BTBD9: variants seen among roughly 807,000 people sequenced by gnomAD.
BTBD9 encodes BTB/POZ domain-containing protein 9.
BTBD9 carries 49 observed loss-of-function variants against 64.3 expected under a neutral mutation model. The ratio of observed to expected loss-of-function variants is 0.76; its 90% CI spans 0.61 to 0.97. The LOEUF is 0.97. Ranked by LOEUF, BTBD9 falls within the 50% of genes least tolerant of loss-of-function variation. The probability of loss-of-function intolerance (pLI) is 0.00; values close to 1 mark genes in which losing one functional copy is unlikely to be tolerated. For synonymous variants in BTBD9, 260 were observed against 274.7 expected, an observed-to-expected ratio of 0.95 and a Z score of 0.53; for missense variants, 598 against 762.1, an observed-to-expected ratio of 0.78 and a Z score of 2.53.
intron 6 of BTBD9, among the ~76,000 whole-genome samples, chr6:38,451,432 C>A (rs746703028): frequency 6.6e-6 from 1 of 152,164 alleles, no homozygotes; most frequent in Non-Finnish European, 1.5e-5. Context: ...TTATGAGTAA[C>A]TGACATTTTC....
chr6:38,528,503 G>A (rs1482891424), intron 6 of BTBD9, among the ~76,000 whole-genome samples: 2 of 152,216 alleles, frequency 1.3e-5, no homozygotes, highest in Non-Finnish European at 2.9e-5. Flanking sequence ...ACAGCTCGCA[G>A]CTCTCAGAGA....
At chr6:38,213,294 C>A (rs1193092143) in intron 9 of BTBD9, among the ~76,000 whole-genome samples, 1 of 152,130 alleles carries the variant, frequency 6.6e-6, no homozygotes, top group Non-Finnish European at 1.5e-5. Flanking sequence ...AATAGACTCT[C>A]CCTCTCCAGC....
At chr6:38,283,121 C>T (rs1582161597) in intron 8 of BTBD9, among the ~76,000 whole-genome samples, 3 of 152,162 alleles carry the variant, frequency 2.0e-5, no homozygotes, top group Admixed American at 2.0e-4. Flanking sequence ...TAGTATACCA[C>T]AGGATATTGG....
At chr6:38,500,149 GA>G (rs1283847277) in intron 6 of BTBD9, among the ~76,000 whole-genome samples, 2 of 151,778 alleles carry the variant, frequency 1.3e-5, no homozygotes, top group African/African-American at 4.8e-5. Context: ...AAGAGAGATA[GA>G]ATCTCTTTCT....
intron 7 of BTBD9, among the ~76,000 whole-genome samples, chr6:38,306,216 T>C (rs1562001618): frequency 6.6e-6 from 1 of 152,248 alleles, no homozygotes; most frequent in Non-Finnish European, 1.5e-5. Context: ...AGCTTTCTGC[T>C]CTATTTCTAG....
chr6:38,300,206 C>T (rs1762333570), intron 7 of BTBD9, among the ~76,000 whole-genome samples: 2 of 152,000 alleles, frequency 1.3e-5, no homozygotes, highest in Admixed American at 1.3e-4. Flanking sequence ...TGTTCTGTTC[C>T]ATTGGTCTAT....
chr6:38,266,390 T>A (rs1764972597), intron 8 of BTBD9, among the ~76,000 whole-genome samples: 1 of 151,850 alleles, frequency 6.6e-6, no homozygotes, highest in African/African-American at 2.4e-5. Context: ...CTGGGCAACA[T>A]GGGGAAACCC....
rs138134557 is a variant in BTBD9, at chr6:38,253,511, C to G, written c.1562+2898G>C. 1.5e-3 allele frequency among the ~76,000 whole-genome samples: 233 copies of G among 152,292 alleles called. 1 individual carries two copies. Among genetic ancestry groups the G allele is most frequent in the African/African-American group, 5.2e-3 (216 of 41,554 alleles). Reference sequence around the variant, plus strand: ...ACATGTGGGGATTATAATTCAAGATCAGATTTGGGTGGGGACACAGAGCCA... The same window carrying G: ...ACATGTGGGGATTATAATTCAAGATGAGATTTGGGTGGGGACACAGAGCCA... On this transcript the variant is annotated intron_variant, in intron 9 of 10. Coordinates refer to ENST00000481247, the MANE Select transcript of BTBD9 (RefSeq NM_001099272.2).
intron 4 of BTBD9, among the ~76,000 whole-genome samples, chr6:38,591,554 T>C (rs758731497): frequency 6.6e-6 from 1 of 152,226 alleles, no homozygotes; most frequent in Non-Finnish European, 1.5e-5. Context: ...CAGCATAGTT[T>C]AGTGGTTAAT....
chr6:38,366,675 C>T (rs1304793225), intron 6 of BTBD9, among the ~76,000 whole-genome samples: 3 of 152,170 alleles, frequency 2.0e-5, no homozygotes, highest in Non-Finnish European at 2.9e-5. Context: ...GTATCAAGCA[C>T]ACAACTGTGA....
chr6:38,424,435 G>A (rs1223204263), intron 6 of BTBD9, among the ~76,000 whole-genome samples: 1 of 151,908 alleles, frequency 6.6e-6, no homozygotes, highest in Non-Finnish European at 1.5e-5. Context: ...AGTCAATTAT[G>A]GGCCACAAAC....
At chr6:38,303,874 TACACACACACAC>T (rs1554137166) in intron 7 of BTBD9, among the ~76,000 whole-genome samples, 46 of 82,572 alleles carry the variant, frequency 5.6e-4, no homozygotes, top group Non-Finnish European at 8.5e-4. Flanking sequence ...TATATATATA[TACACACACACAC>T]ATGTGTATAT....
rs1384155514 is a variant in BTBD9 at position 38,302,485 on chromosome 6, G to GTATGTGTGTGTGTGTATATA, written c.1265-14025_1265-14024insTATATACACACACACACATA. 1.0e-3 allele frequency among the ~76,000 whole-genome samples: 108 copies of GTATGTGTGTGTGTGTATATA among 106,888 alleles called. 1 individual carries two copies. The highest frequency in any genetic ancestry group is 3.5e-3 in the African/African-American group (98 of 28,230). The allele number at this position is 106,888 out of a possible 152,430, so 70.1% of individuals were successfully genotyped here. ...CTGAATAATATTCCATTGTGTGTAT[G>GTATGTGTGTGTGTGTATATA]TATATATATATATATATATATATAT... On this transcript the variant is annotated intron_variant, in intron 7 of 10. Coordinates refer to ENST00000481247, the MANE Select transcript of BTBD9 (RefSeq NM_001099272.2).
chr6:38,220,554 A>T (rs1424340010), intron 9 of BTBD9, among the ~76,000 whole-genome samples: 1 of 152,256 alleles, frequency 6.6e-6, no homozygotes, highest in Admixed American at 6.5e-5. Context: ...GATTCATTTT[A>T]GAAATGAGAC....
chr6:38,439,868 T>C (rs992644500), intron 6 of BTBD9, among the ~76,000 whole-genome samples: 3 of 152,146 alleles, frequency 2.0e-5, no homozygotes, highest in African/African-American at 4.8e-5. Flanking sequence ...TCTGGAAATA[T>C]TCTGAAGGTA....
intron 8 of BTBD9, among the ~76,000 whole-genome samples, chr6:38,270,794 C>A (rs1477545522): frequency 1.3e-5 from 2 of 152,138 alleles, no homozygotes; most frequent in East Asian, 3.9e-4. Context: ...CTCCTTGGGC[C>A]TCTGATGGAC....
chr6:38,240,065 C>T (rs1763941476), intron 9 of BTBD9, among the ~76,000 whole-genome samples: 1 of 152,192 alleles, frequency 6.6e-6, no homozygotes, highest in African/African-American at 2.4e-5. Context: ...GCTATCCTGC[C>T]ATCTCTGGGA....
At chr6:38,192,718 A>G in intron 9 of BTBD9, 121 bp from the exon 10 acceptor site, 1 of 804,152 alleles carries the variant, frequency 1.2e-6, no homozygotes, top group South Asian at 1.5e-5. Flanking sequence ...CCTGCACTAT[A>G]GGAGGGGCAG....
intron 7 of BTBD9, among the ~76,000 whole-genome samples, chr6:38,303,850 T>G (rs1472634440): frequency 1.9e-5 from 2 of 104,550 alleles, no homozygotes; most frequent in African/African-American, 8.1e-5. Flanking sequence ...GATATATATA[T>G]ATATATATAT....
Sources: allele counts gnomAD v4.1 joint callset (sites outside exome capture counted in the v4.1 genomes callset), GRCh38; gene constraint gnomAD v4.1.1; transcripts MANE v1.5; gene names NCBI Gene and HGNC (gene_info 2026-07-23, HGNC 2026-07-21).